The following FBRSL1 variants were observed in gnomAD, a reference collection of about 807,000 sequenced individuals.
The protein encoded by FBRSL1 is fibrosin like 1.
In FBRSL1, 51 loss-of-function variants were observed where a neutral mutation model predicts 89.6. That is an observed-to-expected ratio of 0.57 (90% confidence interval 0.45 to 0.72). The LOEUF (loss-of-function observed/expected upper bound fraction) is 0.72. FBRSL1 is among the 30% of genes least tolerant of loss of function. The probability of loss-of-function intolerance (pLI) is 0.00; values close to 1 mark genes in which losing one functional copy is unlikely to be tolerated. For missense variants in FBRSL1, 1,618 were observed against 1,451.8 expected, an observed-to-expected ratio of 1.11 and a Z score of -1.86; for synonymous variants, 779 against 681.1, an observed-to-expected ratio of 1.14 and a Z score of -2.24.
chr12:132,525,083 G>A (rs1212209955), intron 2 of FBRSL1, among the ~76,000 whole-genome samples: 1 of 152,172 alleles, frequency 6.6e-6, no homozygotes, highest in East Asian at 1.9e-4. Flanking sequence ...TGGGGGTGGG[G>A]TGAAGGGAGT....
intron 12 of FBRSL1, 66 bp downstream of exon 12, chr12:132,574,224 G>A: frequency 1.4e-6 from 2 of 1,441,808 alleles, no homozygotes; most frequent in South Asian, 1.5e-5. Context: ...CCCTGTGCGG[G>A]CTGGTGGCCA....
At chr12:132,551,339 G>A (rs1004092717) in intron 5 of FBRSL1, 3 of 446,130 alleles carry the variant, frequency 6.7e-6, no homozygotes, top group Non-Finnish European at 1.4e-5. Context: ...GGCTGCTCCC[G>A]GTGGGCAGAA....
At chr12:132,572,142 G>A in intron 9 of FBRSL1, 146 bp from the exon 10 acceptor site, 2 of 672,674 alleles carry the variant, frequency 3.0e-6, no homozygotes, top group Admixed American at 5.5e-5. Context: ...CGCTCTAGAG[G>A]AGCCTGGGAC....
chr12:132,536,727 C>T (rs960237442), intron 4 of FBRSL1, among the ~76,000 whole-genome samples: 5 of 144,312 alleles, frequency 3.5e-5, no homozygotes, highest in African/African-American at 5.2e-5. Flanking sequence ...TGTGAGTATA[C>T]GTGTACATGA....
At chr12:132,563,092 G>A (rs1352702916) in intron 5 of FBRSL1, among the ~76,000 whole-genome samples, 87 of 1,364 alleles carry the variant, frequency 0.064, 10 homozygotes, top group African/African-American at 0.22. Flanking sequence ...TGCACCCCAC[G>A]CCTGGCCCCC....
At chr12:132,525,198 G>A (rs1324520640) in intron 2 of FBRSL1, among the ~76,000 whole-genome samples, 1 of 152,260 alleles carries the variant, frequency 6.6e-6, no homozygotes, top group Non-Finnish European at 1.5e-5. Flanking sequence ...CCACCTCGCT[G>A]CTTGCTCTGG....
At chr12:132,539,661 C>T (rs1416446476) in intron 4 of FBRSL1, among the ~76,000 whole-genome samples, 10 of 127,566 alleles carry the variant, frequency 7.8e-5, no homozygotes, top group South Asian at 2.8e-4. Flanking sequence ...CTAGTCCTGC[C>T]GTCCAGCCCG....
intron 1 of FBRSL1, among the ~76,000 whole-genome samples, chr12:132,491,574 CG>C (rs2030976169): frequency 2.0e-5 from 3 of 152,370 alleles, no homozygotes; most frequent in South Asian, 4.1e-4. Context: ...AGGTGTGCCC[CG>C]TGCAGCACTT....
chr12:132,580,456 C>T (rs945562278), intron 15 of FBRSL1, among the ~76,000 whole-genome samples: 3 of 152,120 alleles, frequency 2.0e-5, no homozygotes, highest in Admixed American at 6.5e-5. Flanking sequence ...CCCTGTGTGT[C>T]GCTCACTTTT....
In FBRSL1 at chr12:132,546,299, G is replaced by C. The variant is rs896280464; in HGVS notation, c.616-1704G>C. On this transcript the variant is annotated intron_variant, in intron 4 of 18. Transcript: ENST00000680143. The surrounding 1 kb of genome is among the most constrained non-coding windows in gnomAD (Gnocchi z 4.0). ...CACCAGCAAAGCTGGTCTGCATGTC[G>C]GGGTCCTGTGGCCCAGCCCTTGGTG... 6.6e-6 allele frequency among the ~76,000 whole-genome samples: 1 copy of C among 152,394 alleles called. No individual in the cohort carries two copies. Among genetic ancestry groups the C allele is most frequent in the African/African-American group, 2.4e-5 (1 of 41,600 alleles).
chr12:132,523,289 G>A (rs2136887399), intron 2 of FBRSL1, among the ~76,000 whole-genome samples: 1 of 152,284 alleles, frequency 6.6e-6, no homozygotes, highest in East Asian at 1.9e-4. Context: ...CCAGGACACA[G>A]ATTCCCAGTT....
chr12:132,491,602 A>G (rs1326006075), intron 1 of FBRSL1, among the ~76,000 whole-genome samples: 1 of 152,250 alleles, frequency 6.6e-6, no homozygotes, highest in Non-Finnish European at 1.5e-5. Context: ...GGGGACCCTC[A>G]TCTGCTGGAC....
intron 4 of FBRSL1, among the ~76,000 whole-genome samples, chr12:132,537,900 G>A (rs1301303155): frequency 6.6e-6 from 1 of 152,216 alleles, no homozygotes; most frequent in African/African-American, 2.4e-5. Flanking sequence ...TCATCGCTGG[G>A]TGGGATCAGG....
chr12:132,508,624 C>T (rs574567171), intron 2 of FBRSL1, among the ~76,000 whole-genome samples: 17 of 152,332 alleles, frequency 1.1e-4, no homozygotes, highest in South Asian at 4.1e-4. Flanking sequence ...CGGGCTGGGG[C>T]GCCAAGCTGA....
At chr12:132,517,259 A>G (rs963745578) in intron 2 of FBRSL1, among the ~76,000 whole-genome samples, 5 of 152,150 alleles carry the variant, frequency 3.3e-5, no homozygotes, top group Non-Finnish European at 5.9e-5. Flanking sequence ...GGAAGGGGCC[A>G]CTCAGGAGGG....
At chr12:132,523,791 C>G (rs999928259) in intron 2 of FBRSL1, among the ~76,000 whole-genome samples, 1 of 152,222 alleles carries the variant, frequency 6.6e-6, no homozygotes, top group Non-Finnish European at 1.5e-5. Context: ...TCATTCCTTG[C>G]AGGCTCTGGG....
intron 6 of FBRSL1, among the ~76,000 whole-genome samples, chr12:132,569,664 T>C (rs1361698212): frequency 1.3e-5 from 2 of 152,186 alleles, no homozygotes; most frequent in Admixed American, 6.5e-5. Flanking sequence ...GTGATGCGTC[T>C]TCGGGCAGGT....
intron 5 of FBRSL1, chr12:132,551,716 C>T: frequency 2.6e-6 from 1 of 389,804 alleles, no homozygotes; most frequent in Non-Finnish European, 5.3e-6. Context: ...CTGTGCCCGC[C>T]CAGCCGCCCC....
rs75935872 is a variant in FBRSL1 at position 132,579,113 on chromosome 12, G to A, written c.1834+2182G>A. Among the ~76,000 whole-genome samples the A allele has an allele frequency of 1.5e-3, 233 of 152,162 alleles. 6 individuals carry two copies. The East Asian group carries it at 0.038, about 25-fold the overall frequency. ...CTCGGTGCTCTGCCATTTGTCCTGC[G>A]AGGCTGGGCCCCCTCAGTCCCGGGG... On this transcript the variant is annotated intron_variant, in intron 15 of 18. Transcript: ENST00000680143.
Sources: allele counts gnomAD v4.1 joint callset (sites outside exome capture counted in the v4.1 genomes callset), GRCh38; gene constraint gnomAD v4.1.1; non-coding constraint Gnocchi (gnomAD v3.1); transcripts MANE v1.5; gene names NCBI Gene and HGNC (gene_info 2026-07-23, HGNC 2026-07-21).